The following ARB2A variants were observed in gnomAD, a reference collection of about 807,000 sequenced individuals.
ARB2A encodes cotranscriptional regulator ARB2A.
At chr5:94,073,199 G>A in the ARB2A span, among the ~76,000 whole-genome samples, 1 of 152,180 alleles carries the variant, frequency 6.6e-6, no homozygotes, top group East Asian at 1.9e-4. Flanking sequence ...GAACAAATCA[G>A]TTTGCTAACT....
chr5:93,681,023 G>T, the ARB2A span, among the ~76,000 whole-genome samples: 4 of 152,048 alleles, frequency 2.6e-5, no homozygotes, highest in Non-Finnish European at 5.9e-5. Context: ...AAATAAGTTT[G>T]TGAAATTATG....
chr5:93,763,193 A>T, the ARB2A span, among the ~76,000 whole-genome samples: 3 of 152,202 alleles, frequency 2.0e-5, no homozygotes, highest in Admixed American at 6.5e-5. Context: ...TTCACACATA[A>T]CAATATTAAC....
the ARB2A span, among the ~76,000 whole-genome samples, chr5:93,713,979 C>G: frequency 6.6e-6 from 1 of 152,166 alleles, no homozygotes; most frequent in East Asian, 1.9e-4. Context: ...GCCAATAGGA[C>G]TAGGGGCAGC....
the ARB2A span, among the ~76,000 whole-genome samples, chr5:94,013,271 C>T: frequency 6.6e-6 from 1 of 151,278 alleles, no homozygotes; most frequent in South Asian, 2.1e-4. Flanking sequence ...CTCTGCCTCC[C>T]GGGTTCAAGC....
the ARB2A span, among the ~76,000 whole-genome samples, chr5:93,673,459 AT>A: frequency 6.6e-6 from 1 of 152,074 alleles, no homozygotes; most frequent in African/African-American, 2.4e-5. Context: ...CCATAGCAGT[AT>A]GAACTTCTTG....
the ARB2A span, among the ~76,000 whole-genome samples, chr5:93,883,621 C>T: frequency 2.0e-5 from 3 of 151,426 alleles, no homozygotes; most frequent in African/African-American, 7.3e-5. Flanking sequence ...AAGTTCCTAC[C>T]CCTCTTCCTT....
the ARB2A span, among the ~76,000 whole-genome samples, chr5:93,694,060 T>A: frequency 6.6e-6 from 1 of 152,304 alleles, no homozygotes; most frequent in African/African-American, 2.4e-5. Context: ...ATAAGAGCTA[T>A]TTATGACAAA....
the ARB2A span, among the ~76,000 whole-genome samples, chr5:93,817,155 T>C: frequency 6.6e-6 from 1 of 151,600 alleles, no homozygotes; most frequent in Non-Finnish European, 1.5e-5. Context: ...GGTTGCAAAA[T>C]ACAAGACTAA....
the ARB2A span, among the ~76,000 whole-genome samples, chr5:94,027,879 G>C: frequency 3.9e-5 from 6 of 152,248 alleles, no homozygotes; most frequent in Middle Eastern, 3.4e-3. Flanking sequence ...GGGTGATCTT[G>C]TGGGACTGAG....
the ARB2A span, among the ~76,000 whole-genome samples, chr5:94,087,539 GTTT>G: frequency 1.7e-4 from 26 of 152,274 alleles, no homozygotes; most frequent in African/African-American, 6.3e-4. Flanking sequence ...CAGTAAGCTA[GTTT>G]ATTATTGAAT....
chr5:94,053,106 T>TAGAC, the ARB2A span: 12 of 1,371,180 alleles, frequency 8.8e-6, no homozygotes, highest in Admixed American at 1.9e-5. Flanking sequence ...GATAGATAGA[T>TAGAC]AGATAGATAA....
chr5:94,009,359 T>A, the ARB2A span, among the ~76,000 whole-genome samples: 1 of 152,064 alleles, frequency 6.6e-6, no homozygotes, highest in South Asian at 2.1e-4. Context: ...TTTACCCTCA[T>A]CAGCATTATT....
the ARB2A span, among the ~76,000 whole-genome samples, chr5:94,018,472 T>C: frequency 6.6e-6 from 1 of 151,816 alleles, no homozygotes; most frequent in African/African-American, 2.4e-5. Flanking sequence ...TATGATAATA[T>C]ACTGTGTTAT....
At chr5:93,971,061 C>T in the ARB2A span, among the ~76,000 whole-genome samples, 1 of 151,468 alleles carries the variant, frequency 6.6e-6, no homozygotes, top group Admixed American at 6.6e-5. Context: ...TGCAGTGGTG[C>T]GATCTCAGCT....
At chr5:93,770,370 G>A in the ARB2A span, among the ~76,000 whole-genome samples, 1 of 152,042 alleles carries the variant, frequency 6.6e-6, no homozygotes, top group Non-Finnish European at 1.5e-5. Flanking sequence ...GGAAAAAACT[G>A]GAAGCATTCC....
the ARB2A span, among the ~76,000 whole-genome samples, chr5:94,098,569 A>G: frequency 6.6e-6 from 1 of 152,200 alleles, no homozygotes; most frequent in African/African-American, 2.4e-5. Flanking sequence ...TTCACAACTG[A>G]AAGAATGAGA....
the ARB2A span, among the ~76,000 whole-genome samples, chr5:93,765,853 G>A: frequency 6.6e-6 from 1 of 152,018 alleles, no homozygotes; most frequent in African/African-American, 2.4e-5. Context: ...TAGACCAATG[G>A]AACACAACAG....
the ARB2A span, among the ~76,000 whole-genome samples, chr5:94,014,055 A>G: frequency 1.4e-3 from 218 of 152,314 alleles, 1 homozygote; most frequent in African/African-American, 4.9e-3. Flanking sequence ...ACCCATAAGA[A>G]GCATCATGAG....
chr5:93,741,435 C>A, the ARB2A span: 1 of 1,613,360 alleles, frequency 6.2e-7, no homozygotes, highest in Non-Finnish European at 8.5e-7. Flanking sequence ...AGACCATCAC[C>A]CTGCCAGGGG....
Sources: gnomAD v4.1 joint callset for allele counts (sites outside exome capture counted in the v4.1 genomes callset) on GRCh38, gnomAD v4.1.1 for gene constraint, MANE v1.5 for transcripts, NCBI Gene and HGNC (gene_info 2026-07-23, HGNC 2026-07-21) for gene names.